SLC24A2: variants seen among roughly 807,000 people sequenced by gnomAD.
SLC24A2 encodes sodium/potassium/calcium exchanger 2.
SLC24A2 carries 36 observed loss-of-function variants against 62.0 expected under a neutral mutation model. The observed-to-expected ratio is 0.58, with a 90% CI of 0.44 to 0.77. SLC24A2 has a LOEUF of 0.77. Among genes scored for constraint, SLC24A2 ranks in the 30% least tolerant of loss-of-function variants. The pLI, the probability that SLC24A2 is intolerant of heterozygous loss-of-function variation, is 0.00. For synonymous variants in SLC24A2, 358 were observed against 294.0 expected (o/e 1.22, Z -2.23); for missense variants, 846 against 817.9 (o/e 1.03, Z -0.42).
chr9:20,068,154 C>G, the SLC24A2 span, among the ~76,000 whole-genome samples: 1 of 150,048 alleles, frequency 6.7e-6, no homozygotes, highest in Non-Finnish European at 1.5e-5. Context: ...GCCTCCGCCT[C>G]CTGGGTTCAA....
chr9:19,867,912 G>T, the SLC24A2 span, among the ~76,000 whole-genome samples: 1 of 151,918 alleles, frequency 6.6e-6, no homozygotes, highest in Non-Finnish European at 1.5e-5. Flanking sequence ...TGTCTCAGAA[G>T]AACAAAAACA....
the SLC24A2 span, among the ~76,000 whole-genome samples, chr9:20,063,561 G>A: frequency 7.2e-4 from 109 of 151,930 alleles, 1 homozygote; most frequent in Non-Finnish European, 1.4e-3. Context: ...GTTAGTGGGT[G>A]CAGCGCATCA....
intron 2 of SLC24A2, among the ~76,000 whole-genome samples, chr9:19,772,866 T>C (rs1333092063): frequency 6.6e-6 from 1 of 152,154 alleles, no homozygotes; most frequent in African/African-American, 2.4e-5. Flanking sequence ...ACTAAAAACA[T>C]GTATTCACAC....
the SLC24A2 span, among the ~76,000 whole-genome samples, chr9:19,939,757 A>C: frequency 6.6e-6 from 1 of 152,208 alleles, no homozygotes; most frequent in Non-Finnish European, 1.5e-5. Context: ...CTGTCCTACA[A>C]GTGGTCTGTT....
the SLC24A2 span, among the ~76,000 whole-genome samples, chr9:20,306,319 TGAACAA>T: frequency 6.6e-6 from 1 of 151,920 alleles, no homozygotes; most frequent in Non-Finnish European, 1.5e-5. Flanking sequence ...TTAACAATAG[TGAACAA>T]CAACAACAAC....
chr9:20,139,995 C>A, the SLC24A2 span, among the ~76,000 whole-genome samples: 7 of 152,064 alleles, frequency 4.6e-5, no homozygotes, highest in Non-Finnish European at 1.0e-4. Context: ...TCCAGGTGCC[C>A]GGGGACTGAT....
chr9:19,594,218 G>C (rs963054974), intron 5 of SLC24A2, among the ~76,000 whole-genome samples: 5 of 151,782 alleles, frequency 3.3e-5, no homozygotes, highest in Non-Finnish European at 7.4e-5. Flanking sequence ...TTTCTTCCTG[G>C]TGTCTCAGTG....
chr9:20,061,029 A>C, the SLC24A2 span, among the ~76,000 whole-genome samples: 1 of 152,228 alleles, frequency 6.6e-6, no homozygotes, highest in Non-Finnish European at 1.5e-5. Context: ...GCTGAAAGTA[A>C]TTTAAAAATA....
At chr9:20,112,582 G>A in the SLC24A2 span, among the ~76,000 whole-genome samples, 1 of 152,056 alleles carries the variant, frequency 6.6e-6, no homozygotes, top group Admixed American at 6.6e-5. Flanking sequence ...CCTATAATGA[G>A]GCATTCCATT....
the SLC24A2 span, among the ~76,000 whole-genome samples, chr9:20,291,709 T>C: frequency 6.6e-6 from 1 of 152,146 alleles, no homozygotes; most frequent in Non-Finnish European, 1.5e-5. Context: ...AATTTGGGGA[T>C]ATATTATAGA....
At chr9:20,082,764 T>C in the SLC24A2 span, among the ~76,000 whole-genome samples, 1 of 152,248 alleles carries the variant, frequency 6.6e-6, no homozygotes, top group African/African-American at 2.4e-5. Flanking sequence ...TAGCTTGGAA[T>C]TGATTTCAAA....
intron 8 of SLC24A2, among the ~76,000 whole-genome samples, chr9:19,535,913 A>G (rs149419266): frequency 6.6e-6 from 1 of 152,196 alleles, no homozygotes; most frequent in East Asian, 1.9e-4. Context: ...ACAGCATTGA[A>G]TCTATAAATT....
chr9:19,987,975 C>CA, the SLC24A2 span, among the ~76,000 whole-genome samples: 1 of 152,094 alleles, frequency 6.6e-6, no homozygotes, highest in East Asian at 1.9e-4. Flanking sequence ...GCATTGAAAA[C>CA]AAAAACACTT....
chr9:19,520,840 G>A, intron 10 of SLC24A2, 54 bp downstream of exon 10: 1 of 1,554,018 alleles, frequency 6.4e-7, no homozygotes, highest in Non-Finnish European at 8.9e-7. Context: ...CTTCTAAGAA[G>A]ACAAAGACAC....
chr9:19,884,687 A>G, the SLC24A2 span, among the ~76,000 whole-genome samples: 1 of 152,274 alleles, frequency 6.6e-6, no homozygotes, highest in East Asian at 1.9e-4. Flanking sequence ...GCATTTAGTA[A>G]AAACCATGTT....
the SLC24A2 span, among the ~76,000 whole-genome samples, chr9:20,129,613 A>T: frequency 6.6e-6 from 1 of 152,136 alleles, no homozygotes; most frequent in East Asian, 1.9e-4. Flanking sequence ...GGAATGAAGC[A>T]CTGATACATG....
At chr9:20,017,952 C>A in the SLC24A2 span, among the ~76,000 whole-genome samples, 3 of 152,092 alleles carry the variant, frequency 2.0e-5, no homozygotes, top group Admixed American at 1.3e-4. Flanking sequence ...TACTTTGCAT[C>A]CTTTTCTTTT....
the SLC24A2 span, among the ~76,000 whole-genome samples, chr9:20,181,388 C>A: frequency 6.6e-6 from 1 of 152,234 alleles, no homozygotes; most frequent in Admixed American, 6.5e-5. Context: ...TCAAACTATG[C>A]TACAGGGTTA....
rs750761220 is a variant in SLC24A2 at position 19,786,662 on chromosome 9, C to G, written c.205G>C (p.Glu69Gln). 6 of 1,614,062 alleles carry G rather than the reference C, an allele frequency of 3.7e-6. No homozygotes were observed. In the East Asian group the frequency reaches 1.3e-4, roughly 36 times the overall value. ...CTAGGGCCACTTACAACACTGGCCT[C>G]TCCTGTGCTCTGTGTATCTGTCTCA... ...FSETDTQSTG[E>Q]ASVVSGPRVA... The change falls in exon 2 of 11, where the codon GAG becomes CAG. Residue 69 changes from glutamate (E) to glutamine (Q), a missense_variant. Physicochemically the swap from Glu to Gln is conservative, Grantham distance 29. Transcript: ENST00000341998. This position sits in a 1 kb window ranked among gnomAD's most constrained non-coding sequence, Gnocchi z 5.0.
Sources: gnomAD v4.1 joint callset for allele counts (sites outside exome capture counted in the v4.1 genomes callset) on GRCh38, gnomAD v4.1.1 for gene constraint, Gnocchi (gnomAD v3.1) non-coding constraint, MANE v1.5 for transcripts, NCBI Gene and HGNC (gene_info 2026-07-23, HGNC 2026-07-21) for gene names.